The following PDE8A variants were observed in gnomAD, a reference collection of about 807,000 sequenced individuals.
The protein encoded by PDE8A is high affinity cAMP-specific and IBMX-insensitive 3',5'-cyclic phosphodiesterase 8A.
PDE8A carries 59 observed loss-of-function variants against 105.0 expected under a neutral mutation model. The observed-to-expected ratio is 0.56, with a 90% confidence interval of 0.46 to 0.70. The LOEUF (loss-of-function observed/expected upper bound fraction) is 0.70, where lower values mean the gene tolerates loss of function less well. Ranked by LOEUF, PDE8A falls within the 30% of genes least tolerant of loss-of-function variation. The probability of loss-of-function intolerance (pLI) is 0.00; values close to 1 mark genes in which losing one functional copy is unlikely to be tolerated. For missense variants in PDE8A, 1,014 were observed against 1,045.9 expected (o/e 0.97, Z 0.42); for synonymous variants, 355 against 371.9 (o/e 0.95, Z 0.52).
At chr15:85,099,757 A>T in intron 9 of PDE8A, 1 of 469,206 alleles carries the variant, frequency 2.1e-6, no homozygotes, top group Non-Finnish European at 3.7e-6. Flanking sequence ...ATTTTAAAAA[A>T]TATGTATATT....
chr15:85,067,288 C>T (rs2081244924), intron 3 of PDE8A, 84 bp downstream of exon 3: 1 of 988,920 alleles, frequency 1.0e-6, no homozygotes, highest in African/African-American at 1.6e-5. Flanking sequence ...ATTAGACTCA[C>T]TCTCTTTTAA....
intron 2 of PDE8A, among the ~76,000 whole-genome samples, chr15:85,065,821 A>G (rs559741375): frequency 2.4e-4 from 37 of 152,360 alleles, no homozygotes; most frequent in African/African-American, 8.7e-4. Context: ...GAGAGAGGGA[A>G]GGAGGCTGGC....
At chr15:85,016,563 A>G (rs1037313771) in intron 1 of PDE8A, among the ~76,000 whole-genome samples, 17 of 152,336 alleles carry the variant, frequency 1.1e-4, no homozygotes, top group African/African-American at 4.1e-4. Flanking sequence ...ATAGAGCTGT[A>G]TAAGAATTAT....
chr15:85,042,390 C>T (rs55728176), intron 1 of PDE8A, among the ~76,000 whole-genome samples: 1,802 of 152,150 alleles, frequency 0.012, 42 homozygotes, highest in African/African-American at 0.041. Context: ...AACTCCTGGG[C>T]TCAAGTGATG....
At position 85,117,738 on chromosome 15, in the gene PDE8A, A is replaced by G; in HGVS notation, c.1633A>G (p.Ile545Val). 1 of 1,613,892 alleles carries G rather than the reference A, an allele frequency of 6.2e-7. No individual in the cohort carries two copies. Among genetic ancestry groups the G allele is most frequent in the Non-Finnish European group, 8.5e-7 (1 of 1,179,732 alleles). Reference sequence around the variant, plus strand: ...AACGCTAAGATCATGGTTACAAATTATCGAAGCCAATTATCATTCCTCCAA... The same window carrying G: ...AACGCTAAGATCATGGTTACAAATTGTCGAAGCCAATTATCATTCCTCCAA... ...ESTLRSWLQI[I>V]EANYHSSNPY... Residue 545 changes from isoleucine (I) to valine (V), a missense_variant, in exon 17 of 22, where the codon ATC becomes GTC. By Grantham distance (29) the Ile-to-Val change is conservative. Transcript: ENST00000394553.
intron 11 of PDE8A, among the ~76,000 whole-genome samples, chr15:85,104,238 G>A (rs1416655376): frequency 2.0e-5 from 3 of 152,156 alleles, no homozygotes; most frequent in Non-Finnish European, 4.4e-5. Context: ...GCTGTGGTTT[G>A]TAGTACCACA....
In PDE8A at chr15:85,067,100, C is replaced by G; in HGVS notation, c.330C>G (p.Thr110=). Residue 110 remains threonine (T), a synonymous_variant, in exon 3 of 22, where the codon ACC becomes ACG. Coordinates refer to ENST00000394553, the MANE Select transcript of PDE8A (RefSeq NM_002605.3). The stretch of plus-strand genomic sequence containing the variant: ...AAGCAGGGTTTAAGTGTACAGTTAC[C>G]AAGGAGGCTCAGGCTGTCCTTGCCT... ...CEKAGFKCTV[T]KEAQAVLACF... is the part of the protein sequence containing the mutation. 3 of 1,613,452 alleles carry G rather than the reference C, an allele frequency of 1.9e-6. No homozygotes were observed. The highest frequency in any genetic ancestry group is 2.5e-6 in the Non-Finnish European group (3 of 1,179,462).
chr15:84,998,561 T>C (rs2080016376), intron 1 of PDE8A, among the ~76,000 whole-genome samples: 1 of 152,244 alleles, frequency 6.6e-6, no homozygotes, highest in South Asian at 2.1e-4. Context: ...CATCTCAGTT[T>C]GTAACCCATG....
intron 1 of PDE8A, among the ~76,000 whole-genome samples, chr15:85,031,573 T>C (rs1951107246): frequency 6.6e-6 from 1 of 152,132 alleles, no homozygotes; most frequent in South Asian, 2.1e-4. Flanking sequence ...CACGCAGCAA[T>C]ACCATGCAGT....
Position 85,017,269 on chromosome 15 carries a change from A to T in PDE8A, c.186+34921A>T, listed in dbSNP as rs997558193. Among the ~76,000 whole-genome samples, 420 of 152,186 alleles carry T rather than the reference A, an allele frequency of 2.8e-3. 1 individual carries two copies. Among genetic ancestry groups the T allele is most frequent in the African/African-American group, 9.8e-3 (407 of 41,554 alleles). Reference sequence around the variant, plus strand: ...GGCGACAGAGCGAGACTCCAAAAAAAAAAAAAATAAATAAATGAAGCCTGT... The same window carrying T: ...GGCGACAGAGCGAGACTCCAAAAAATAAAAAAATAAATAAATGAAGCCTGT... On this transcript the variant is annotated intron_variant, in intron 1 of 21. Transcript: ENST00000394553.
At position 85,068,103 on chromosome 15, in the gene PDE8A, C is replaced by T. The variant is rs192791470; in HGVS notation, c.434+899C>T. ...GTAACCCAGTCTGGAGTGCAAGGCTCGATCTCAGCTCACTGCAACCTCCAC... is the reference window on the plus strand; with the variant it reads ...GTAACCCAGTCTGGAGTGCAAGGCTTGATCTCAGCTCACTGCAACCTCCAC... On this transcript the variant is annotated intron_variant, in intron 3 of 21. Transcript: ENST00000394553. 4.6e-5 allele frequency among the ~76,000 whole-genome samples: 7 copies of T among 152,104 alleles called. 1 individual carries two copies. The East Asian group carries it at 5.8e-4, about 13-fold the overall frequency.
intron 1 of PDE8A, chr15:85,064,167 T>G (rs1488633470): frequency 4.1e-6 from 2 of 492,180 alleles, no homozygotes; most frequent in Non-Finnish European, 7.1e-6. Flanking sequence ...ATTTTATTTC[T>G]CCTTTCCTGC....
At chr15:85,025,312 T>A (rs1466141799) in intron 1 of PDE8A, among the ~76,000 whole-genome samples, 1 of 152,136 alleles carries the variant, frequency 6.6e-6, no homozygotes, top group East Asian at 1.9e-4. Flanking sequence ...CCTACTTTCT[T>A]GAGGTGCTTG....
intron 1 of PDE8A, among the ~76,000 whole-genome samples, chr15:85,047,843 A>G (rs2080911345): frequency 6.6e-6 from 1 of 152,204 alleles, no homozygotes; most frequent in African/African-American, 2.4e-5. Context: ...TGTGACCAAC[A>G]CTATGTAAAT....
At chr15:85,101,311 A>T (rs1229693752) in intron 11 of PDE8A, among the ~76,000 whole-genome samples, 1 of 152,204 alleles carries the variant, frequency 6.6e-6, no homozygotes. Context: ...ATAAGAAGTG[A>T]TCCCCAGGAA....
intron 1 of PDE8A, 129 bp from the exon 2 acceptor site, chr15:85,064,241 T>TA (rs1361057854): frequency 7.7e-5 from 47 of 612,928 alleles, no homozygotes; most frequent in Non-Finnish European, 8.7e-6. Flanking sequence ...TTCATTTATC[T>TA]ACTATTTACT....
chr15:85,129,804 A>G (rs1479530950), intron 20 of PDE8A, among the ~76,000 whole-genome samples: 2 of 152,134 alleles, frequency 1.3e-5, no homozygotes, highest in East Asian at 3.8e-4. Context: ...TCTTGTAGGC[A>G]TTTACAGCTG....
chr15:85,047,628 A>G (rs2080907653), intron 1 of PDE8A, among the ~76,000 whole-genome samples: 1 of 152,168 alleles, frequency 6.6e-6, no homozygotes, highest in Non-Finnish European at 1.5e-5. Context: ...TTAAAAGTGA[A>G]CCCATAGCTG....
At chr15:85,085,158 T>TC (rs2141510905) in intron 6 of PDE8A, among the ~76,000 whole-genome samples, 1 of 152,322 alleles carries the variant, frequency 6.6e-6, no homozygotes, top group South Asian at 2.1e-4. Context: ...TACAAGGGTC[T>TC]CCATGGTCTG....
Sources: allele counts gnomAD v4.1 joint callset (sites outside exome capture counted in the v4.1 genomes callset), GRCh38; gene constraint gnomAD v4.1.1; transcripts MANE v1.5; gene names NCBI Gene and HGNC (gene_info 2026-07-23, HGNC 2026-07-21).